Variants in CEP164 observed in about 807,000 individuals in gnomAD.
CEP164 encodes centrosomal protein 164.
In CEP164, 162 loss-of-function variants were observed where a neutral mutation model predicts 182.7. The ratio of observed to expected loss-of-function variants is 0.89; its 90% CI spans 0.78 to 1.01. The LOEUF (loss-of-function observed/expected upper bound fraction) is 1.01. Among genes scored for constraint, CEP164 ranks in the 50% least tolerant of loss-of-function variants. The pLI, the probability that CEP164 is intolerant of heterozygous loss-of-function variation, is 0.00. For missense variants in CEP164, 1,735 were observed against 1,790.4 expected, an observed-to-expected ratio of 0.97 and a Z score of 0.56; for synonymous variants, 661 against 690.0, an observed-to-expected ratio of 0.96 and a Z score of 0.66.
chr11:117,329,815 C>T (rs1019923434), intron 1 of CEP164, among the ~76,000 whole-genome samples: 6 of 146,840 alleles, frequency 4.1e-5, no homozygotes, highest in African/African-American at 1.3e-4. Flanking sequence ...GCTGGGATTA[C>T]AGGCGTGAGC....
chr11:117,361,091 C>T (rs1322988619), intron 5 of CEP164, among the ~76,000 whole-genome samples: 1 of 151,396 alleles, frequency 6.6e-6, no homozygotes, highest in Non-Finnish European at 1.5e-5. Flanking sequence ...TGTACCACCA[C>T]GCCCAGCTAA....
Position 117,328,704 on chromosome 11 carries a change from G to A in CEP164, c.-98+800G>A, listed in dbSNP as rs541452170. Among the ~76,000 whole-genome samples the A allele has an allele frequency of 7.0e-4, 107 of 152,244 alleles. 1 individual carries two copies. The Middle Eastern group carries it at 0.027, about 39-fold the overall frequency. On this transcript the variant is annotated intron_variant, in intron 1 of 32. Coordinates refer to ENST00000278935, the MANE Select transcript of CEP164 (RefSeq NM_014956.5). ...TCCTCTTGTATTTTTTTATCTCAAT[G>A]AAGGGCTTCACCATTCACTCAGCCA... is the stretch of plus-strand genomic sequence containing the variant.
At chr11:117,386,904 T>C (rs888313411) in intron 14 of CEP164, 1 of 366,948 alleles carries the variant, frequency 2.7e-6, no homozygotes, top group Non-Finnish European at 5.0e-6. Flanking sequence ...TGCTGCCAGC[T>C]CTTGAGCCGC....
At chr11:117,370,245 A>C (rs2042069031) in intron 8 of CEP164, among the ~76,000 whole-genome samples, 1 of 151,846 alleles carries the variant, frequency 6.6e-6, no homozygotes, top group African/African-American at 2.4e-5. Flanking sequence ...GCTGTCTCCG[A>C]GGCTGCTGCT....
Position 117,382,866 on chromosome 11 carries a change from G to C in CEP164, c.1648G>C (p.Gly550Arg). The C allele has an allele frequency of 6.2e-7, 1 of 1,614,086 alleles. No homozygotes were observed. The highest frequency in any genetic ancestry group is 8.5e-7 in the Non-Finnish European group (1 of 1,180,004). ...GCAGCATTCCCAGGCCGAGGAGCTGGGCCCTGGGCAGGAAGAGGCAGAGGA... is the reference window on the plus strand; with the variant it reads ...GCAGCATTCCCAGGCCGAGGAGCTGCGCCCTGGGCAGGAAGAGGCAGAGGA... ...KEQHSQAEEL[G>R]PGQEEAEDPE... The change falls in exon 14 of 33, where the codon GGC (glycine) becomes CGC (arginine). Residue 550 changes from glycine to arginine, a missense_variant. Physicochemically the swap from Gly to Arg is moderately radical, Grantham distance 125. Transcript: ENST00000278935.
intron 11 of CEP164, among the ~76,000 whole-genome samples, chr11:117,377,641 C>G (rs2042896184): frequency 1.3e-5 from 2 of 152,322 alleles, no homozygotes; most frequent in Admixed American, 6.5e-5. Flanking sequence ...TTCCATGTCT[C>G]TCTCAAGGGC....
upstream of CEP164, among the ~76,000 whole-genome samples, chr11:117,324,370 C>G (rs2035355353): frequency 6.6e-6 from 1 of 151,650 alleles, no homozygotes; most frequent in Non-Finnish European, 1.5e-5. Flanking sequence ...TCGCTTGAAC[C>G]CAGGAGGCAG....
At chr11:117,358,296 C>T (rs61903742) in intron 5 of CEP164, among the ~76,000 whole-genome samples, 18 of 152,148 alleles carry the variant, frequency 1.2e-4, no homozygotes, top group Non-Finnish European at 2.4e-4. Flanking sequence ...CTCCACTAAT[C>T]GCTGATTTGG....
Position 117,394,571 on chromosome 11 carries a change from C to T in CEP164, c.2760+78C>T. 2 of 1,533,706 alleles carry T rather than the reference C, an allele frequency of 1.3e-6. No homozygotes were observed. Among genetic ancestry groups the T allele is most frequent in the Non-Finnish European group, 1.8e-6 (2 of 1,131,778 alleles). On this transcript the variant is annotated intron_variant, in intron 21 of 32. Coordinates refer to ENST00000278935, the MANE Select transcript of CEP164 (RefSeq NM_014956.5). This position sits in a 1 kb window ranked among gnomAD's most constrained non-coding sequence, Gnocchi z 4.0. The stretch of plus-strand genomic sequence containing the variant: ...GAAGGTGCTGGGAGCAGACGCATGG[C>T]CCCAGCAGGATGCAGCCTGACAGCT...
In CEP164 at chr11:117,344,296, C is replaced by T. The variant is rs374708089; in HGVS notation, c.194+19C>T. On this transcript the variant is annotated intron_variant, in intron 4 of 32. Coordinates refer to ENST00000278935, the MANE Select transcript of CEP164 (RefSeq NM_014956.5). ...AACCATGGTAAGTCAGCAGGGGGTG[C>T]GGCCACTGACTTGGCCTAGCAGAGG... is the stretch of plus-strand genomic sequence containing the variant. 10 of 1,550,134 alleles carry T rather than the reference C, an allele frequency of 6.5e-6. No homozygotes were observed. The Admixed American group carries it at 1.2e-4, about 19-fold the overall frequency.
At chr11:117,341,499 A>T (rs1215706418) in intron 3 of CEP164, among the ~76,000 whole-genome samples, 1 of 151,226 alleles carries the variant, frequency 6.6e-6, no homozygotes, top group African/African-American at 2.4e-5. Flanking sequence ...ACTGGAGTGC[A>T]GTGGTGTGAA....
intron 5 of CEP164, 139 bp downstream of exon 5, chr11:117,352,127 C>A (rs2135450253): frequency 1.4e-6 from 1 of 726,286 alleles, no homozygotes; most frequent in Non-Finnish European, 2.2e-6. Flanking sequence ...ATCATCTAAA[C>A]TTTGCCTGTC....
intron 28 of CEP164, chr11:117,408,688 C>T (rs2046984627): frequency 1.5e-6 from 1 of 656,656 alleles, no homozygotes; most frequent in Admixed American, 3.0e-5. Context: ...GCCTACATAC[C>T]ACCTTGAATT....
chr11:117,371,519 G>T (rs1466375082), intron 9 of CEP164, 53 bp downstream of exon 9: 2 of 1,541,142 alleles, frequency 1.3e-6, no homozygotes, highest in Non-Finnish European at 8.7e-7. Context: ...CTGCTGCTCT[G>T]TTCAGCCCTG....
intron 27 of CEP164, among the ~76,000 whole-genome samples, chr11:117,407,454 C>T (rs1169714422): frequency 2.2e-5 from 1 of 45,124 alleles, no homozygotes; most frequent in Non-Finnish European, 3.9e-5. Flanking sequence ...AACTCTGTCT[C>T]TACAAAAAAA....
At chr11:117,396,740 G>T in intron 26 of CEP164, 129 bp downstream of exon 26, 1 of 793,392 alleles carries the variant, frequency 1.3e-6, no homozygotes. Flanking sequence ...AGTTCATGGG[G>T]AAGGCTCCGG....
At chr11:117,339,445 A>G (rs539874659) in intron 3 of CEP164, among the ~76,000 whole-genome samples, 26 of 152,106 alleles carry the variant, frequency 1.7e-4, no homozygotes, top group African/African-American at 6.0e-4. Flanking sequence ...TAACAATAAC[A>G]ACATAACTTA....
At chr11:117,336,682 C>T (rs1284201340) in intron 2 of CEP164, 1 of 823,810 alleles carries the variant, frequency 1.2e-6, no homozygotes, top group Non-Finnish European at 2.1e-6. Context: ...TTGATGCGTT[C>T]TACCAGATCC....
chr11:117,334,170 G>A (rs1355491448), intron 1 of CEP164, among the ~76,000 whole-genome samples: 1 of 152,106 alleles, frequency 6.6e-6, no homozygotes, highest in East Asian at 1.9e-4. Flanking sequence ...TTTTAATCAC[G>A]ATTGCATCTC....
Sources: gnomAD v4.1 joint callset for allele counts (sites outside exome capture counted in the v4.1 genomes callset) on GRCh38, gnomAD v4.1.1 for gene constraint, Gnocchi (gnomAD v3.1) non-coding constraint, MANE v1.5 for transcripts, NCBI Gene and HGNC (gene_info 2026-07-23, HGNC 2026-07-21) for gene names.